Variants in BOC observed in about 807,000 individuals in gnomAD.
BOC encodes the protein brother of CDO.
BOC carries 76 observed loss-of-function variants against 112.0 expected under a neutral mutation model. The ratio of observed to expected loss-of-function variants is 0.68; its 90% CI spans 0.56 to 0.82. The LOEUF (loss-of-function observed/expected upper bound fraction) is 0.82, where lower values mean the gene tolerates loss of function less well. BOC is among the 40% of genes least tolerant of loss of function. BOC has a pLI of 0.00. For missense variants in BOC, 1,309 were observed against 1,511.7 expected (o/e 0.87, Z 2.22); for synonymous variants, 580 against 599.8 (o/e 0.97, Z 0.48).
chr3:113,260,202 G>A (rs768511980), intron 4 of BOC, among the ~76,000 whole-genome samples: 2 of 152,140 alleles, frequency 1.3e-5, no homozygotes, highest in Non-Finnish European at 2.9e-5. Flanking sequence ...AAGACTCCCA[G>A]ATAAAACATG....
At position 113,280,975 on chromosome 3, in the gene BOC, G is replaced by A. The variant is rs1232499864; in HGVS notation, c.2312-56G>A. On this transcript the variant is annotated intron_variant, in intron 14 of 19. Transcript: ENST00000682979. ...CAGCTGAGTCTGACTATGAGATTGG[G>A]ATCAAGAAAACCATATACACATTGC... The A allele has an allele frequency of 8.1e-6, 13 of 1,598,380 alleles. No individual in the cohort carries two copies. In the Admixed American group the frequency reaches 1.8e-4, roughly 23 times the overall value.
At position 113,279,818 on chromosome 3, in the gene BOC, C is replaced by T. The variant is rs1470694787; in HGVS notation, c.2024-6C>T. 2 of 1,600,532 alleles carry T rather than the reference C, an allele frequency of 1.2e-6. No homozygotes were observed. On this transcript the variant is annotated splice_region_variant and splice_polypyrimidine_tract_variant and intron_variant, in intron 12 of 19. Transcript: ENST00000682979. ...TCCTGAGTTCAGTGAGTGTCCCTCTCACCAGGCACCTCCTACAAGTTTCGA... is the reference window on the plus strand; with the variant it reads ...TCCTGAGTTCAGTGAGTGTCCCTCTTACCAGGCACCTCCTACAAGTTTCGA...
chr3:113,282,157 A>G (rs917912126), intron 15 of BOC, among the ~76,000 whole-genome samples: 9 of 152,068 alleles, frequency 5.9e-5, no homozygotes, highest in Admixed American at 2.6e-4. Flanking sequence ...GCCACTGAGG[A>G]TGGTGTGAGA....
chr3:113,221,755 G>A (rs967991647), intron 2 of BOC, among the ~76,000 whole-genome samples: 4 of 152,170 alleles, frequency 2.6e-5, no homozygotes, highest in Admixed American at 2.6e-4. Context: ...AAAAGCTAGA[G>A]AAGGTCACTT....
chr3:113,217,771 A>T (rs555228374), intron 2 of BOC, among the ~76,000 whole-genome samples: 142 of 152,200 alleles, frequency 9.3e-4, no homozygotes, highest in African/African-American at 2.9e-3. Context: ...GTTTTTTTTT[A>T]AAATACTTTT....
intron 4 of BOC, among the ~76,000 whole-genome samples, chr3:113,252,598 C>T (rs931879854): frequency 6.6e-6 from 1 of 152,176 alleles, no homozygotes; most frequent in African/African-American, 2.4e-5. Context: ...GGAGGAGCTT[C>T]ACTCTGTGGG....
At chr3:113,226,139 TG>T (rs1042800545) in intron 2 of BOC, among the ~76,000 whole-genome samples, 16 of 152,162 alleles carry the variant, frequency 1.1e-4, no homozygotes, top group African/African-American at 3.6e-4. Flanking sequence ...TTTCCTAATG[TG>T]GGGGGAATGG....
intron 6 of BOC, chr3:113,271,642 T>C (rs1014123572): frequency 1.7e-5 from 3 of 175,258 alleles, no homozygotes; most frequent in Non-Finnish European, 3.7e-5. Context: ...TCCATTCTTT[T>C]TGGGGCCTCC....
chr3:113,276,630 G>T (rs1485538069), intron 9 of BOC, among the ~76,000 whole-genome samples: 1 of 152,194 alleles, frequency 6.6e-6, no homozygotes, highest in Non-Finnish European at 1.5e-5. Context: ...TTCTCTTGCT[G>T]GGGATTGGGA....
intron 2 of BOC, among the ~76,000 whole-genome samples, chr3:113,233,019 A>G (rs147466144): frequency 1.5e-4 from 23 of 152,342 alleles, no homozygotes; most frequent in African/African-American, 5.3e-4. Flanking sequence ...TGCGAACTGA[A>G]GAATGGTAGC....
chr3:113,213,645 G>A (rs142263500), intron 1 of BOC, among the ~76,000 whole-genome samples: 3 of 152,264 alleles, frequency 2.0e-5, no homozygotes, highest in East Asian at 3.9e-4. Flanking sequence ...TGTGTAACAG[G>A]TTTCCCAGAA....
intron 4 of BOC, among the ~76,000 whole-genome samples, chr3:113,256,349 T>C (rs955265978): frequency 2.6e-5 from 4 of 152,144 alleles, no homozygotes; most frequent in Non-Finnish European, 4.4e-5. Context: ...ATACATGTGC[T>C]CTCTAACTCA....
At chr3:113,267,708 G>C (rs951874641) in intron 4 of BOC, among the ~76,000 whole-genome samples, 1 of 152,220 alleles carries the variant, frequency 6.6e-6, no homozygotes, top group African/African-American at 2.4e-5. Flanking sequence ...CATCGTGGAT[G>C]CCTAAGGAGA....
intron 2 of BOC, among the ~76,000 whole-genome samples, chr3:113,222,299 G>C (rs753509771): frequency 4.0e-5 from 6 of 151,246 alleles, no homozygotes; most frequent in Non-Finnish European, 8.8e-5. Flanking sequence ...TTTCATTTTT[G>C]CTAGTTTGCA....
At chr3:113,234,737 C>T (rs1330954520) in intron 2 of BOC, among the ~76,000 whole-genome samples, 1 of 152,138 alleles carries the variant, frequency 6.6e-6, no homozygotes, top group Non-Finnish European at 1.5e-5. Context: ...GGATTGCCAG[C>T]TGTTCTATCT....
At chr3:113,219,300 CT>C (rs1940109202) in intron 2 of BOC, among the ~76,000 whole-genome samples, 1 of 152,248 alleles carries the variant, frequency 6.6e-6, no homozygotes, top group South Asian at 2.1e-4. Context: ...AGAGGCAGAG[CT>C]ACCTGCCTCC....
chr3:113,221,416 C>T (rs969895166), intron 2 of BOC, among the ~76,000 whole-genome samples: 4 of 152,180 alleles, frequency 2.6e-5, no homozygotes, highest in South Asian at 2.1e-4. Context: ...TCAGGTGCAC[C>T]GTTCGATGCC....
intron 15 of BOC, among the ~76,000 whole-genome samples, chr3:113,281,851 G>A (rs1236793362): frequency 6.6e-6 from 1 of 152,208 alleles, no homozygotes; most frequent in Non-Finnish European, 1.5e-5. Context: ...CTGGCTTTCA[G>A]TTGTTCAGCA....
chr3:113,265,358 G>GA (rs1032402924), intron 4 of BOC, among the ~76,000 whole-genome samples: 54 of 143,748 alleles, frequency 3.8e-4, no homozygotes, highest in South Asian at 8.9e-4. Flanking sequence ...AAAGGAGGAG[G>GA]AAAAAAAAAA....
Sources: gnomAD v4.1 joint callset for allele counts (sites outside exome capture counted in the v4.1 genomes callset) on GRCh38, gnomAD v4.1.1 for gene constraint, MANE v1.5 for transcripts, NCBI Gene and HGNC (gene_info 2026-07-23, HGNC 2026-07-21) for gene names.